Variants in KIFC3 observed in about 807,000 individuals in gnomAD.
KIFC3 encodes kinesin family member C3.
In KIFC3, 60 loss-of-function variants were observed where a neutral mutation model predicts 101.8. The ratio of observed to expected loss-of-function variants is 0.59; its 90% confidence interval spans 0.48 to 0.73. The LOEUF is 0.73. KIFC3 is among the 30% of genes least tolerant of loss of function. The pLI is 0.00. For missense variants in KIFC3, 966 were observed against 1,137.1 expected (o/e 0.85, Z 2.16); for synonymous variants, 476 against 482.7 (o/e 0.99, Z 0.18).
At chr16:57,837,255 C>T (rs2055704634) in intron 1 of KIFC3, among the ~76,000 whole-genome samples, 1 of 151,918 alleles carries the variant, frequency 6.6e-6, no homozygotes, top group Admixed American at 6.6e-5. Flanking sequence ...ATTGCTTGAG[C>T]CTAGGAGTTT....
At chr16:57,851,219 T>A (rs543287712) in intron 1 of KIFC3, among the ~76,000 whole-genome samples, 1 of 152,254 alleles carries the variant, frequency 6.6e-6, no homozygotes, top group South Asian at 2.1e-4. Context: ...CTCATTATGT[T>A]GCCCAGGCTG....
chr16:57,854,629 G>GA (rs59106449), intron 1 of KIFC3, among the ~76,000 whole-genome samples: 6,054 of 131,170 alleles, frequency 0.046, 159 homozygotes, highest in Middle Eastern at 0.087. Flanking sequence ...CTCCGTCTCA[G>GA]AAAAAAAAAA....
At chr16:57,804,444 TCA>T (rs1555626531), upstream of KIFC3, among the ~76,000 whole-genome samples, 1 of 152,176 alleles carries the variant, frequency 6.6e-6, no homozygotes, top group East Asian at 1.9e-4. Flanking sequence ...CAATAGGTAC[TCA>T]CACAGTACTA....
In KIFC3 at chr16:57,762,172, G is replaced by C. The variant is rs1555598517; in HGVS notation, c.1716C>G (p.Val572=). The change falls in exon 13 of 20, where the codon GTC becomes GTG. Residue 572 remains valine (V), a synonymous_variant. Coordinates refer to ENST00000445690, the MANE Select transcript of KIFC3 (RefSeq NM_001130100.2). ...KASDWEYTIT[V]SAAEIYNEVL... is the part of the protein sequence containing the mutation. ...CCTCATTGTAGATCTCCGCAGCGCT[G>C]ACGGTGATGGTGTACTCCCAGTCAG... 3 of 1,607,404 alleles carry C rather than the reference G, an allele frequency of 1.9e-6. No individual in the cohort carries two copies. The South Asian group carries it at 3.3e-5, about 18-fold the overall frequency.
At chr16:57,759,292 C>A in intron 18 of KIFC3, 139 bp from the exon 19 acceptor site, 1 of 1,043,920 alleles carries the variant, frequency 9.6e-7, no homozygotes, top group Non-Finnish European at 1.4e-6. Context: ...GGCTGGAGCC[C>A]TGGGTCCCGG....
chr16:57,798,154 C>A lies in KIFC3; in HGVS notation c.90G>T (p.Pro30=), dbSNP rs782208738. Reference sequence around the variant, plus strand: ...GGGCTGGGGCGGGGCGAGCCATCCCCGGCTCGGGCTCCGGGGCCCGGCCCA... The same window carrying A: ...GGGCTGGGGCGGGGCGAGCCATCCCAGGCTCGGGCTCCGGGGCCCGGCCCA... ...WRVGRAPEPE[P]GMARPAPAPA... The change falls in exon 2 of 20, where the codon CCG becomes CCT. Residue 30 remains proline (P), a synonymous_variant. Coordinates refer to ENST00000445690, the MANE Select transcript of KIFC3 (RefSeq NM_001130100.2). 1.3e-6 allele frequency: 2 copies of A among 1,546,082 alleles called. No individual in the cohort carries two copies. The highest frequency in any genetic ancestry group is 2.0e-5 in the Admixed American group (1 of 50,380).
intron 1 of KIFC3, among the ~76,000 whole-genome samples, chr16:57,858,704 T>C (rs2056231212): frequency 6.6e-6 from 1 of 152,152 alleles, no homozygotes; most frequent in African/African-American, 2.4e-5. Context: ...CCCAGCACTT[T>C]GGGAGGCTGA....
chr16:57,792,644 C>T (rs1486970508), intron 3 of KIFC3, among the ~76,000 whole-genome samples: 1 of 152,118 alleles, frequency 6.6e-6, no homozygotes, highest in African/African-American at 2.4e-5. Flanking sequence ...TCTGTAATCC[C>T]AGCACTTTGG....
At chr16:57,765,352 G>A (rs567795647) in intron 11 of KIFC3, 107 bp downstream of exon 11, 5 of 1,139,256 alleles carry the variant, frequency 4.4e-6, no homozygotes, top group Admixed American at 2.5e-5. Context: ...TCTGATTCCT[G>A]CACCCCCCAC....
At chr16:57,774,891 A>T (rs2051834010) in intron 3 of KIFC3, 1 of 1,421,004 alleles carries the variant, frequency 7.0e-7, no homozygotes, top group East Asian at 2.7e-5. Context: ...AAGTGAACTG[A>T]CTTCCTCTTC....
intron 3 of KIFC3, among the ~76,000 whole-genome samples, chr16:57,777,380 G>C (rs1378171964): frequency 6.6e-6 from 1 of 152,190 alleles, no homozygotes; most frequent in Admixed American, 6.5e-5. Flanking sequence ...AAACAGTCTT[G>C]AAAGACTGAA....
At chr16:57,845,234 C>G (rs1174336918) in intron 1 of KIFC3, among the ~76,000 whole-genome samples, 1 of 152,166 alleles carries the variant, frequency 6.6e-6, no homozygotes, top group Non-Finnish European at 1.5e-5. Flanking sequence ...ACAACTCCTG[C>G]CGGCTCTACC....
rs375424711 is a variant in KIFC3, at chr16:57,769,643, G to A, written c.1170C>T (p.Arg390=). 54 of 1,611,306 alleles carry A rather than the reference G, an allele frequency of 3.4e-5. No individual in the cohort carries two copies. Among genetic ancestry groups the A allele is most frequent in the Middle Eastern group, 4.4e-4 (2 of 4,530 alleles). The change falls in exon 9 of 20, where the codon CGC becomes CGT. Residue 390 remains arginine (R), a synonymous_variant. Transcript: ENST00000445690. The surrounding 1 kb of genome is among the most constrained non-coding windows in gnomAD (Gnocchi z 4.3). ...NDYNGLKRQV[R]GFPLLLQEAL... is the part of the protein sequence containing the mutation. ...CCTCCTGCAGCAGCAGTGGGAAGCC[G>A]CGCACCTGCCGCTTGAGCCCATTGT...
At chr16:57,823,761 T>TTGTGTG (rs542476459) in intron 1 of KIFC3, among the ~76,000 whole-genome samples, 6,646 of 136,606 alleles carry the variant, frequency 0.049, 179 homozygotes, top group South Asian at 0.091. Flanking sequence ...CCCGGCTACT[T>TTGTGTG]TGTGTGTGTG....
chr16:57,790,078 C>CTTTCTTTCTTTTTTTTTTTTT (rs59016221), intron 3 of KIFC3, among the ~76,000 whole-genome samples: 1 of 94,088 alleles, frequency 1.1e-5, no homozygotes, highest in Non-Finnish European at 2.0e-5. Flanking sequence ...TTCTTTCTTT[C>CTTTCTTTCTTTTTTTTTTTTT]TTTTTTTTTT....
chr16:57,774,538 T>A (rs2051766142), intron 3 of KIFC3, among the ~76,000 whole-genome samples: 1 of 151,950 alleles, frequency 6.6e-6, no homozygotes, highest in Non-Finnish European at 1.5e-5. Flanking sequence ...TTTTTTTCTT[T>A]TTGAGACAGG....
chr16:57,850,971 T>C (rs766167211), intron 1 of KIFC3, among the ~76,000 whole-genome samples: 5 of 139,916 alleles, frequency 3.6e-5, no homozygotes, highest in African/African-American at 1.2e-4. Context: ...CCTTCCTTCC[T>C]TCCTTCCTTC....
chr16:57,841,567 C>T (rs1938125784), intron 1 of KIFC3, among the ~76,000 whole-genome samples: 1 of 151,820 alleles, frequency 6.6e-6, no homozygotes, highest in Admixed American at 6.6e-5. Flanking sequence ...CTTGGGAGGC[C>T]GAGGCAGGAG....
intron 3 of KIFC3, among the ~76,000 whole-genome samples, chr16:57,778,281 A>G (rs552262038): frequency 6.6e-6 from 1 of 152,300 alleles, no homozygotes; most frequent in Admixed American, 6.5e-5. Context: ...TCTTGTGTCA[A>G]AACAAAAAAC....
Sources: gnomAD v4.1 joint callset for allele counts (sites outside exome capture counted in the v4.1 genomes callset) on GRCh38, gnomAD v4.1.1 for gene constraint, Gnocchi (gnomAD v3.1) non-coding constraint, MANE v1.5 for transcripts, NCBI Gene and HGNC (gene_info 2026-07-23, HGNC 2026-07-21) for gene names.